Variants in GALNT17 observed in about 807,000 individuals in gnomAD.
The protein encoded by GALNT17 is polypeptide N-acetylgalactosaminyltransferase 17.
GALNT17 carries 29 observed loss-of-function variants against 63.7 expected under a neutral mutation model. The ratio of observed to expected loss-of-function variants is 0.46; its 90% CI spans 0.34 to 0.62. The LOEUF is 0.62. Ranked by LOEUF, GALNT17 falls within the 20% of genes least tolerant of loss-of-function variation. GALNT17 has a pLI of 0.01. For missense variants in GALNT17, 603 were observed against 799.6 expected (o/e 0.75, Z 2.97); for synonymous variants, 305 against 318.3 (o/e 0.96, Z 0.45).
At chr7:71,564,685 G>T (rs962462656) in intron 5 of GALNT17, among the ~76,000 whole-genome samples, 1 of 152,122 alleles carries the variant, frequency 6.6e-6, no homozygotes, top group Admixed American at 6.5e-5. Context: ...TTCATCTGTG[G>T]GTTCTGATGA....
intron 1 of GALNT17, among the ~76,000 whole-genome samples, chr7:71,320,607 A>G (rs1012586886): frequency 6.6e-6 from 1 of 152,082 alleles, no homozygotes; most frequent in African/African-American, 2.4e-5. Context: ...TCTTGCCAAG[A>G]GGGTCTTTTT....
At chr7:71,555,868 C>G (rs190000744) in intron 5 of GALNT17, among the ~76,000 whole-genome samples, 132 of 152,362 alleles carry the variant, frequency 8.7e-4, no homozygotes, top group African/African-American at 2.7e-3. Flanking sequence ...TGCTTTCTGT[C>G]TCTGATGCAC....
intron 5 of GALNT17, among the ~76,000 whole-genome samples, chr7:71,511,524 G>A (rs928865634): frequency 2.6e-5 from 4 of 152,134 alleles, no homozygotes; most frequent in African/African-American, 9.7e-5. Flanking sequence ...CTTTAGCAAT[G>A]GATTCCTGCA....
intron 6 of GALNT17, among the ~76,000 whole-genome samples, chr7:71,636,643 G>T (rs535915427): frequency 6.6e-6 from 1 of 152,204 alleles, no homozygotes; most frequent in African/African-American, 2.4e-5. Flanking sequence ...GGAGTTTTCC[G>T]GGTAGACTTA....
intron 5 of GALNT17, among the ~76,000 whole-genome samples, chr7:71,520,413 C>T (rs1389129436): frequency 6.6e-6 from 1 of 152,046 alleles, no homozygotes; most frequent in Non-Finnish European, 1.5e-5. Context: ...ATCCCAGCTA[C>T]TCAGGAGGCA....
intron 5 of GALNT17, among the ~76,000 whole-genome samples, chr7:71,538,462 G>A (rs973894353): frequency 3.3e-5 from 5 of 152,138 alleles, no homozygotes; most frequent in Non-Finnish European, 4.4e-5. Flanking sequence ...TCAACCCGAC[G>A]GGACGCGACA....
chr7:71,412,036 C>T (rs1793438256), intron 3 of GALNT17, among the ~76,000 whole-genome samples: 1 of 152,232 alleles, frequency 6.6e-6, no homozygotes, highest in African/African-American at 2.4e-5. Context: ...TGCTCTTGGG[C>T]TCTCAGGTTT....
chr7:71,572,486 A>G (rs1180143698), intron 6 of GALNT17, among the ~76,000 whole-genome samples: 1 of 137,626 alleles, frequency 7.3e-6, no homozygotes, highest in African/African-American at 2.7e-5. Context: ...CAGGCAACAG[A>G]GCAAGACCCT....
chr7:71,162,748 A>G (rs989102358), intron 1 of GALNT17, among the ~76,000 whole-genome samples: 1 of 152,222 alleles, frequency 6.6e-6, no homozygotes, highest in South Asian at 2.1e-4. Flanking sequence ...TGATGATGCA[A>G]GTGTGCACAG....
intron 2 of GALNT17, among the ~76,000 whole-genome samples, chr7:71,341,610 G>A (rs1387180713): frequency 6.6e-6 from 1 of 152,150 alleles, no homozygotes; most frequent in East Asian, 1.9e-4. Flanking sequence ...AACATTAGAT[G>A]ACAATGGAAG....
chr7:71,325,273 C>T (rs921703279), intron 1 of GALNT17, among the ~76,000 whole-genome samples: 9 of 152,240 alleles, frequency 5.9e-5, no homozygotes, highest in Middle Eastern at 3.4e-3. Flanking sequence ...CTCCCTGAGA[C>T]GCGGACCGGC....
intron 3 of GALNT17, among the ~76,000 whole-genome samples, chr7:71,393,329 C>T (rs1181857752): frequency 2.0e-5 from 3 of 151,872 alleles, no homozygotes; most frequent in Non-Finnish European, 4.4e-5. Flanking sequence ...ATTTTGTTTT[C>T]TGATCTTAAA....
chr7:71,166,843 C>T (rs1788449808), intron 1 of GALNT17, among the ~76,000 whole-genome samples: 1 of 151,912 alleles, frequency 6.6e-6, no homozygotes, highest in African/African-American at 2.4e-5. Flanking sequence ...TAGGTAAACA[C>T]CTAGATACCT....
chr7:71,547,665 G>C (rs1284026098), intron 5 of GALNT17, among the ~76,000 whole-genome samples: 1 of 152,096 alleles, frequency 6.6e-6, no homozygotes, highest in Non-Finnish European at 1.5e-5. Flanking sequence ...AGAGAGGAGA[G>C]ACTGTCACTA....
intron 1 of GALNT17, among the ~76,000 whole-genome samples, chr7:71,289,202 C>A (rs368461302): frequency 6.8e-6 from 1 of 147,250 alleles, no homozygotes; most frequent in Non-Finnish European, 1.5e-5. Flanking sequence ...CATCTGACCA[C>A]GTCTTTTTTT....
intron 5 of GALNT17, among the ~76,000 whole-genome samples, chr7:71,538,503 A>G (rs1223421633): frequency 2.0e-5 from 3 of 152,186 alleles, no homozygotes; most frequent in South Asian, 2.1e-4. Context: ...CAAAGATACC[A>G]TCAGTTAACC....
intron 3 of GALNT17, among the ~76,000 whole-genome samples, chr7:71,400,691 C>G (rs1793223536): frequency 1.3e-5 from 2 of 152,168 alleles, no homozygotes; most frequent in Admixed American, 1.3e-4. Flanking sequence ...ATGGTTATCT[C>G]AATTTAATAG....
chr7:71,697,563 G>A (rs937931187), intron 9 of GALNT17, among the ~76,000 whole-genome samples: 3 of 152,062 alleles, frequency 2.0e-5, no homozygotes, highest in Non-Finnish European at 2.9e-5. Context: ...TCAGGCAGTC[G>A]TAAACTCAGA....
chr7:71,219,256 C>G (rs982804878), intron 1 of GALNT17, among the ~76,000 whole-genome samples: 1 of 152,214 alleles, frequency 6.6e-6, no homozygotes, highest in African/African-American at 2.4e-5. Context: ...CAAACAATCT[C>G]TCCTGTCTAC....
Sources: gnomAD v4.1 joint callset for allele counts (sites outside exome capture counted in the v4.1 genomes callset) on GRCh38, gnomAD v4.1.1 for gene constraint, MANE v1.5 for transcripts, NCBI Gene and HGNC (gene_info 2026-07-23, HGNC 2026-07-21) for gene names.